The following TENM3 variants were observed in gnomAD, a reference collection of about 807,000 sequenced individuals.
The protein encoded by TENM3 is teneurin transmembrane protein 3, also known as teneurin-3.
In TENM3, 63 loss-of-function variants were observed where a neutral mutation model predicts 255.1. The ratio of observed to expected loss-of-function variants is 0.25; its 90% CI spans 0.20 to 0.30. The LOEUF (loss-of-function observed/expected upper bound fraction) is 0.30. TENM3 is among the 10% of genes least tolerant of loss of function. The pLI is 1.00. For synonymous variants in TENM3, 1,306 were observed against 1,322.3 expected (o/e 0.99, Z 0.27); for missense variants, 2,929 against 3,461.1 (o/e 0.85, Z 3.86).
chr4:181,532,385 AG>A, the TENM3 span, among the ~76,000 whole-genome samples: 3 of 151,970 alleles, frequency 2.0e-5, no homozygotes, highest in Non-Finnish European at 4.4e-5. Flanking sequence ...AAAAATAAGG[AG>A]GGGTTGAGAA....
rs938800364 is a variant in TENM3 at position 182,800,704 on chromosome 4, G to A, written c.*353G>A. 8.4e-5 allele frequency: 15 copies of A among 177,568 alleles called. No individual in the cohort carries two copies. Among genetic ancestry groups the A allele is most frequent in the Non-Finnish European group, 1.7e-4 (14 of 83,622 alleles). The allele number at this position is 177,568 out of a possible 1,614,324, so 11.0% of individuals were successfully genotyped here. ...TAAAAAAGAAAAAAAAATGTGTACAGTGTTTCCAAATAGTCCCGAATTGTC... is the reference window on the plus strand; with the variant it reads ...TAAAAAAGAAAAAAAAATGTGTACAATGTTTCCAAATAGTCCCGAATTGTC... On this transcript the variant is annotated 3_prime_UTR_variant, in exon 28 of 28. Transcript: ENST00000511685.
At chr4:181,506,640 C>T in the TENM3 span, among the ~76,000 whole-genome samples, 1 of 151,654 alleles carries the variant, frequency 6.6e-6, no homozygotes, top group Non-Finnish European at 1.5e-5. Flanking sequence ...AGAACAGTGC[C>T]TCACCATGCA....
At chr4:182,151,146 T>C (rs1750320049) in intron 1 of TENM3, among the ~76,000 whole-genome samples, 1 of 152,096 alleles carries the variant, frequency 6.6e-6, no homozygotes, top group Non-Finnish European at 1.5e-5. Flanking sequence ...GTGGCTTCTA[T>C]ACTGGGATGG....
chr4:181,547,966 C>T, the TENM3 span, among the ~76,000 whole-genome samples: 3 of 151,846 alleles, frequency 2.0e-5, no homozygotes, highest in Non-Finnish European at 4.4e-5. Flanking sequence ...CCCGTCCCCC[C>T]ACCCCACAAC....
At chr4:181,682,692 T>G in the TENM3 span, among the ~76,000 whole-genome samples, 1 of 152,102 alleles carries the variant, frequency 6.6e-6, no homozygotes, top group African/African-American at 2.4e-5. Flanking sequence ...GAAGAGTGGT[T>G]AAAAATAAGT....
chr4:182,458,041 T>C (rs1774011060), intron 3 of TENM3, among the ~76,000 whole-genome samples: 1 of 152,248 alleles, frequency 6.6e-6, no homozygotes, highest in Admixed American at 6.5e-5. Flanking sequence ...AACATTCTCA[T>C]ATTTGCTCAA....
chr4:181,713,126 C>T, the TENM3 span, among the ~76,000 whole-genome samples: 1 of 152,230 alleles, frequency 6.6e-6, no homozygotes, highest in African/African-American at 2.4e-5. Context: ...CAAAATTAGA[C>T]TGTTGGCACC....
intron 3 of TENM3, among the ~76,000 whole-genome samples, chr4:182,421,383 A>T (rs1042681844): frequency 6.6e-6 from 1 of 152,172 alleles, no homozygotes; most frequent in African/African-American, 2.4e-5. Context: ...CAGCCCTGAC[A>T]ATATATATAC....
At chr4:182,036,869 A>G in the TENM3 span, among the ~76,000 whole-genome samples, 1 of 152,156 alleles carries the variant, frequency 6.6e-6, no homozygotes, top group Non-Finnish European at 1.5e-5. Flanking sequence ...TTTTTTTATA[A>G]CAAACTCAAT....
chr4:182,019,241 G>A, the TENM3 span, among the ~76,000 whole-genome samples: 1 of 152,136 alleles, frequency 6.6e-6, no homozygotes, highest in Non-Finnish European at 1.5e-5. Context: ...AACCCCCAAA[G>A]TTTCCTGTGA....
At chr4:181,534,485 A>C in the TENM3 span, among the ~76,000 whole-genome samples, 1 of 150,860 alleles carries the variant, frequency 6.6e-6, no homozygotes, top group Admixed American at 6.6e-5. Flanking sequence ...CCACAGAAAA[A>C]TACCTTTGTT....
chr4:181,854,108 C>A, the TENM3 span, among the ~76,000 whole-genome samples: 1 of 152,136 alleles, frequency 6.6e-6, no homozygotes. Flanking sequence ...ATCAGGGACA[C>A]AAATATCATT....
At chr4:182,411,157 C>G (rs1469514719) in intron 3 of TENM3, among the ~76,000 whole-genome samples, 1 of 152,196 alleles carries the variant, frequency 6.6e-6, no homozygotes, top group Non-Finnish European at 1.5e-5. Context: ...AAAGCCTGTC[C>G]CTCACAGCTT....
intron 3 of TENM3, among the ~76,000 whole-genome samples, chr4:182,385,892 C>T (rs1767886243): frequency 6.6e-6 from 1 of 152,080 alleles, no homozygotes; most frequent in Admixed American, 6.6e-5. Flanking sequence ...TTTTTAATGG[C>T]ATTCTTATAA....
At chr4:181,925,892 T>A in the TENM3 span, among the ~76,000 whole-genome samples, 118 of 152,362 alleles carry the variant, frequency 7.7e-4, no homozygotes, top group Middle Eastern at 3.4e-3. Context: ...TTCAATCTAT[T>A]GAATCTATTG....
At chr4:182,056,910 C>A in the TENM3 span, among the ~76,000 whole-genome samples, 2 of 151,664 alleles carry the variant, frequency 1.3e-5, no homozygotes, top group South Asian at 2.1e-4. Flanking sequence ...GATTCCTCCC[C>A]CTTTTAACAA....
intron 4 of TENM3, among the ~76,000 whole-genome samples, chr4:182,621,724 ATATAAAAT>A (rs1750232604): frequency 9.5e-5 from 1 of 10,562 alleles, no homozygotes; most frequent in African/African-American, 1.6e-4. Flanking sequence ...TATATATTAT[ATATAAAAT>A]ATATAATATA....
intron 3 of TENM3, among the ~76,000 whole-genome samples, chr4:182,384,033 C>T (rs1767741116): frequency 1.3e-5 from 2 of 152,206 alleles, no homozygotes; most frequent in South Asian, 4.1e-4. Flanking sequence ...GCACTTCCCT[C>T]TCCCATGCTC....
chr4:181,627,841 G>C, the TENM3 span, among the ~76,000 whole-genome samples: 1 of 152,090 alleles, frequency 6.6e-6, no homozygotes, highest in African/African-American at 2.4e-5. Context: ...TAATCCTTTG[G>C]GTATATGCCC....
Sources: allele counts gnomAD v4.1 joint callset (sites outside exome capture counted in the v4.1 genomes callset), GRCh38; gene constraint gnomAD v4.1.1; transcripts MANE v1.5; gene names NCBI Gene and HGNC (gene_info 2026-07-23, HGNC 2026-07-21).